Variants in ZNF473 observed in about 807,000 individuals in gnomAD.
The protein encoded by ZNF473 is zinc finger protein 100 homolog.
Under a neutral mutation model 11.1 loss-of-function variants are expected in ZNF473, and 4 were observed. The ratio of observed to expected loss-of-function variants is 0.36; its 90% CI spans 0.18 to 0.82. The LOEUF is 0.82. Among genes scored for constraint, ZNF473 ranks in the 40% least tolerant of loss-of-function variants. The pLI is 0.49. For synonymous variants in ZNF473, 404 were observed against 390.4 expected, an observed-to-expected ratio of 1.03 and a Z score of -0.41; for missense variants, 854 against 1,084.0, an observed-to-expected ratio of 0.79 and a Z score of 2.98.
In ZNF473 at chr19:50,037,827, T is replaced by G. The variant is rs61341400; in HGVS notation, c.10-1334T>G. On this transcript the variant is annotated intron_variant, in intron 2 of 4. Transcript: ENST00000270617. ...CACTCTCTCTCTCTCTCGCTCGCTC[T>G]CTCTCTCTGTATATATAATATATAT... Among the ~76,000 whole-genome samples the G allele has an allele frequency of 0.011, 1,696 of 149,892 alleles. 78 individuals carry two copies. The East Asian group carries it at 0.11, about 10-fold the overall frequency.
chr19:50,029,738 T>C (rs529880176), intron 1 of ZNF473, among the ~76,000 whole-genome samples: 14 of 152,356 alleles, frequency 9.2e-5, no homozygotes, highest in African/African-American at 3.4e-4. Flanking sequence ...TTTAATGAAG[T>C]AGAATAAAAG....
rs916003060 is a variant in ZNF473 at position 50,048,035 on chromosome 19, C to CTAGG, written c.*977_*980dup. 14 of 152,228 alleles carry CTAGG rather than the reference C, an allele frequency of 9.2e-5. No homozygotes were observed. Among genetic ancestry groups the CTAGG allele is most frequent in the African/African-American group, 3.1e-4 (13 of 41,436 alleles). 9.4% of individuals were successfully genotyped at this position (152,228 alleles called of 1,614,324 possible). On this transcript the variant is annotated 3_prime_UTR_variant, in exon 5 of 5. Transcript: ENST00000270617. Reference sequence around the variant, plus strand: ...GGATGGCCGCTCACCAGGCAATTTGCTAGGCTCGGGGGCGGGTAGTATCCA... The same window carrying CTAGG: ...GGATGGCCGCTCACCAGGCAATTTGCTAGGTAGGCTCGGGGGCGGGTAGTATCCA...
At chr19:50,034,205 G>A (rs1448315430) in intron 2 of ZNF473, among the ~76,000 whole-genome samples, 2 of 151,962 alleles carry the variant, frequency 1.3e-5, no homozygotes, top group Non-Finnish European at 2.9e-5. Context: ...CATGTTATTC[G>A]TCAGGAAACC....
chr19:50,045,245 A>G lies in ZNF473; in HGVS notation c.802A>G (p.Asn268Asp). Residue 268 changes from asparagine (N) to aspartate (D), a missense_variant, in exon 5 of 5, where the codon AAT becomes GAT. Around this residue, in one of 2 missense-constraint regions of ZNF473, gnomAD observed 668 missense variants for 790.2 expected, o/e 0.85. Coordinates refer to ENST00000270617, the MANE Select transcript of ZNF473 (RefSeq NM_015428.4). ...CACGGGCTACAAATTCTATGTGTGT[A>G]ATGAATATGGGACAACTTTTAGTCA... is the stretch of plus-strand genomic sequence containing the variant. ...THTGYKFYVCNEYGTTFSQST... is the reference protein window; with the variant it reads ...THTGYKFYVCDEYGTTFSQST... 1 of 1,614,196 alleles carries G rather than the reference A, an allele frequency of 6.2e-7. No individual in the cohort carries two copies. The highest frequency in any genetic ancestry group is 8.5e-7 in the Non-Finnish European group (1 of 1,180,038).
chr19:50,046,247 C>T lies in ZNF473; in HGVS notation c.1804C>T (p.Gln602Ter), dbSNP rs1325915601. ...TGACCAGTGTGGGAAAGCCTTTGGC[C>T]AAAGTACTCGGCTCATTCACCATCA... ...ECDQCGKAFG[Q>*]STRLIHHQRI... Residue 602 changes from glutamine to a stop codon, truncating the protein, a stop_gained, in exon 5 of 5, where the codon CAA becomes TAA. Coordinates refer to ENST00000270617, the MANE Select transcript of ZNF473 (RefSeq NM_015428.4). LOFTEE classifies it low-confidence loss of function (END_TRUNC). The surrounding 1 kb of genome is among the most constrained non-coding windows in gnomAD (Gnocchi z 5.9). The T allele has an allele frequency of 1.2e-6, 2 of 1,614,040 alleles. No homozygotes were observed. Among genetic ancestry groups the T allele is most frequent in the Non-Finnish European group, 1.7e-6 (2 of 1,180,042 alleles).
At chr19:50,044,608 A>G (rs1978956812) in intron 4 of ZNF473, 62 bp from the exon 5 acceptor site, 5 of 1,362,362 alleles carry the variant, frequency 3.7e-6, no homozygotes, top group Admixed American at 2.0e-5. Context: ...TATCACCCCT[A>G]CTTGCTCTTG....
Position 50,047,169 on chromosome 19 carries a change from T to A in ZNF473, c.*110T>A, listed in dbSNP as rs1979189657. The stretch of plus-strand genomic sequence containing the variant: ...CCAAATAAATGCATCTAAAGATTGA[T>A]TAGAAAGTTTGTGCGCATGTTTTTC... On this transcript the variant is annotated 3_prime_UTR_variant, in exon 5 of 5. Coordinates refer to ENST00000270617, the MANE Select transcript of ZNF473 (RefSeq NM_015428.4). 1 of 942,032 alleles carries A rather than the reference T, an allele frequency of 1.1e-6. No individual in the cohort carries two copies. 58.4% of individuals were successfully genotyped at this position (942,032 alleles called of 1,614,324 possible).
chr19:50,037,481 C>T (rs1193329491), intron 2 of ZNF473, among the ~76,000 whole-genome samples: 3 of 152,050 alleles, frequency 2.0e-5, no homozygotes, highest in South Asian at 2.1e-4. Flanking sequence ...CAGGCTTTCA[C>T]GTTTTAATGT....
rs1979191275 is a variant in ZNF473 at position 50,047,188 on chromosome 19, G to A, written c.*129G>A. The A allele has an allele frequency of 3.7e-6, 3 of 820,432 alleles. No homozygotes were observed. Among genetic ancestry groups the A allele is most frequent in the Non-Finnish European group, 5.6e-6 (3 of 539,154 alleles). 50.8% of individuals were successfully genotyped at this position (820,432 alleles called of 1,614,324 possible). A position where few individuals can be genotyped will look rare whatever the true frequency, so the allele number is the denominator to read the frequency against. On this transcript the variant is annotated 3_prime_UTR_variant, in exon 5 of 5. Coordinates refer to ENST00000270617, the MANE Select transcript of ZNF473 (RefSeq NM_015428.4). Reference sequence around the variant, plus strand: ...GATTGATTAGAAAGTTTGTGCGCATGTTTTTCATTATAACAATGAAAACAC... The same window carrying A: ...GATTGATTAGAAAGTTTGTGCGCATATTTTTCATTATAACAATGAAAACAC...
At chr19:50,026,347 A>T (rs2077275143) in intron 1 of ZNF473, among the ~76,000 whole-genome samples, 1 of 137,362 alleles carries the variant, frequency 7.3e-6, no homozygotes, top group Admixed American at 6.8e-5. Context: ...GGCGGGGGGG[A>T]TCACTTACAG....
intron 2 of ZNF473, among the ~76,000 whole-genome samples, chr19:50,031,851 T>G (rs1281973837): frequency 1.3e-5 from 2 of 152,158 alleles, no homozygotes; most frequent in African/African-American, 4.8e-5. Context: ...GGTAAATATC[T>G]GTTCATCCTT....
intron 2 of ZNF473, among the ~76,000 whole-genome samples, chr19:50,031,310 T>A (rs559460547): frequency 1.3e-5 from 2 of 152,334 alleles, no homozygotes; most frequent in Non-Finnish European, 2.9e-5. Context: ...CTGTTTGTAC[T>A]CTTCTGGGAA....
In ZNF473 at chr19:50,044,835, G is replaced by A; in HGVS notation, c.392G>A (p.Ser131Asn). 1 of 1,614,248 alleles carries A rather than the reference G, an allele frequency of 6.2e-7. No individual in the cohort carries two copies. Among genetic ancestry groups the A allele is most frequent in the Non-Finnish European group, 8.5e-7 (1 of 1,180,042 alleles). ...GATAGTTTGCTAGGCGATCCAGAAA[G>A]TCTTCTGAGGTCTGATATTGCCACC... ...WLDSLLGDPE[S>N]LLRSDIATNG... The change falls in exon 5 of 5, where the codon AGT becomes AAT. Residue 131 changes from serine (S) to asparagine (N), a missense_variant. Ser to Asn is a conservative substitution (Grantham distance 46). Around this residue, in one of 2 missense-constraint regions of ZNF473, gnomAD observed 668 missense variants for 790.2 expected, o/e 0.85. Transcript: ENST00000270617.
At chr19:50,036,389 C>T (rs245112) in intron 2 of ZNF473, among the ~76,000 whole-genome samples, 1 of 142,776 alleles carries the variant, frequency 7.0e-6, no homozygotes, top group Non-Finnish European at 1.5e-5. Flanking sequence ...TCCTGGCTCA[C>T]TGCAAGCTCT....
chr19:50,038,801 G>C (rs1476697978), intron 2 of ZNF473, among the ~76,000 whole-genome samples: 1 of 152,138 alleles, frequency 6.6e-6, no homozygotes, highest in Admixed American at 6.5e-5. Flanking sequence ...TGAGTTCATG[G>C]GTGTTAATTA....
chr19:50,026,786 A>C (rs886713680), intron 1 of ZNF473, among the ~76,000 whole-genome samples: 3 of 152,076 alleles, frequency 2.0e-5, no homozygotes, highest in South Asian at 4.1e-4. Context: ...GGTTGCAGTG[A>C]GCTGAGAAAG....
intron 1 of ZNF473, among the ~76,000 whole-genome samples, chr19:50,030,228 C>T (rs2077310791): frequency 6.6e-6 from 1 of 152,110 alleles, no homozygotes; most frequent in Non-Finnish European, 1.5e-5. Flanking sequence ...GAGATAGTGG[C>T]CAGGTGCGGT....
rs1373617949 is a variant in ZNF473, at chr19:50,026,562, A to G, written c.-192+440A>G. 2.6e-5 allele frequency among the ~76,000 whole-genome samples: 4 copies of G among 151,408 alleles called. No individual in the cohort carries two copies. In the East Asian group the frequency reaches 5.8e-4, roughly 22 times the overall value. On this transcript the variant is annotated intron_variant, in intron 1 of 4. Transcript: ENST00000270617. ...CGAGACTACATCTTAAAAAAAAAAAAAAAAAAAGAAAGGAAGAAAACCACC... is the reference window on the plus strand; with the variant it reads ...CGAGACTACATCTTAAAAAAAAAAAGAAAAAAAGAAAGGAAGAAAACCACC...
At chr19:50,030,782 G>C (rs2077313479) in intron 1 of ZNF473, 110 bp from the exon 2 acceptor site, 1 of 498,518 alleles carries the variant, frequency 2.0e-6, no homozygotes, top group Non-Finnish European at 3.7e-6. Flanking sequence ...TGACTGTTAG[G>C]TGCTAACCCA....
Sources: allele counts gnomAD v4.1 joint callset (sites outside exome capture counted in the v4.1 genomes callset), GRCh38; gene constraint gnomAD v4.1.1; regional missense constraint gnomAD v4.1.1; non-coding constraint Gnocchi (gnomAD v3.1); transcripts MANE v1.5; gene names NCBI Gene and HGNC (gene_info 2026-07-23, HGNC 2026-07-21).